The following ADGRL2 variants were observed in gnomAD, a reference collection of about 807,000 sequenced individuals.
The protein encoded by ADGRL2 is adhesion G protein-coupled receptor L2.
A neutral mutation model predicts 157.4 loss-of-function variants in ADGRL2; 44 were observed. The ratio of observed to expected loss-of-function variants is 0.28; its 90% CI spans 0.22 to 0.36. The LOEUF is 0.36. ADGRL2 is among the 10% of genes least tolerant of loss of function. The probability of loss-of-function intolerance (pLI) is 1.00; values close to 1 mark genes in which losing one functional copy is unlikely to be tolerated. For missense variants in ADGRL2, 1,510 were observed against 1,768.9 expected (o/e 0.85, Z 2.63); for synonymous variants, 585 against 624.7 (o/e 0.94, Z 0.95).
At chr1:81,363,988 T>C (rs1355445235) in intron 1 of ADGRL2, among the ~76,000 whole-genome samples, 1 of 152,218 alleles carries the variant, frequency 6.6e-6, no homozygotes, top group African/African-American at 2.4e-5. Flanking sequence ...AATGACTTTT[T>C]TGTGGGCATT....
rs188028028 is a variant in ADGRL2, at chr1:81,932,430, T to C, written c.288-4298T>C. Among the ~76,000 whole-genome samples the C allele has an allele frequency of 2.8e-3, 433 of 152,366 alleles. 11 individuals are homozygous for C. Among genetic ancestry groups the C allele is most frequent in the Admixed American group, 0.026 (395 of 15,306 alleles). On this transcript the variant is annotated intron_variant, in intron 3 of 23. Transcript: ENST00000686636. ...CATATTAACATTGTAAACTGTATTATGTACCTCTTACATAAGTTGTACTCA... is the reference window on the plus strand; with the variant it reads ...CATATTAACATTGTAAACTGTATTACGTACCTCTTACATAAGTTGTACTCA...
At chr1:81,321,250 T>G (rs1263636812) in intron 1 of ADGRL2, among the ~76,000 whole-genome samples, 3 of 152,222 alleles carry the variant, frequency 2.0e-5, no homozygotes, top group Non-Finnish European at 4.4e-5. Flanking sequence ...TTGGAGGCTG[T>G]TTTGGTCTTC....
At chr1:81,775,878 A>G (rs1027967378) in intron 2 of ADGRL2, among the ~76,000 whole-genome samples, 2 of 152,174 alleles carry the variant, frequency 1.3e-5, no homozygotes, top group African/African-American at 4.8e-5. Context: ...TCATTCAACA[A>G]GTATTATATT....
intron 2 of ADGRL2, among the ~76,000 whole-genome samples, chr1:81,868,871 C>G (rs1241150731): frequency 6.6e-6 from 1 of 152,028 alleles, no homozygotes; most frequent in African/African-American, 2.4e-5. Flanking sequence ...CTCAGCCACT[C>G]ACAGGTAGGA....
chr1:81,659,720 T>A (rs1176731825), intron 3 of ADGRL2, among the ~76,000 whole-genome samples: 1 of 152,222 alleles, frequency 6.6e-6, no homozygotes, highest in Non-Finnish European at 1.5e-5. Flanking sequence ...ACCATTACCA[T>A]CTTTATCACA....
intron 1 of ADGRL2, among the ~76,000 whole-genome samples, chr1:81,321,782 G>T (rs548612780): frequency 2.6e-5 from 4 of 151,304 alleles, no homozygotes; most frequent in Non-Finnish European, 5.9e-5. Flanking sequence ...GTGAAATATT[G>T]TGAGAATTAC....
At chr1:81,650,186 C>A (rs2082386792) in intron 3 of ADGRL2, among the ~76,000 whole-genome samples, 1 of 152,166 alleles carries the variant, frequency 6.6e-6, no homozygotes, top group Middle Eastern at 3.4e-3. Flanking sequence ...CACTCAGGCT[C>A]TCAACAAATT....
At chr1:81,775,951 C>G (rs985099825) in intron 2 of ADGRL2, among the ~76,000 whole-genome samples, 1 of 152,058 alleles carries the variant, frequency 6.6e-6, no homozygotes, top group Non-Finnish European at 1.5e-5. Context: ...AAGTGATATA[C>G]GAACTAACTA....
chr1:81,707,454 C>T (rs2083774539), intron 1 of ADGRL2, among the ~76,000 whole-genome samples: 1 of 152,158 alleles, frequency 6.6e-6, no homozygotes, highest in Admixed American at 6.5e-5. Context: ...ATAATCCTTT[C>T]ACGTAAAAGT....
chr1:81,920,977 T>C (rs78213719), intron 3 of ADGRL2, among the ~76,000 whole-genome samples: 1,568 of 152,246 alleles, frequency 0.01, 13 homozygotes, highest in Non-Finnish European at 0.015. Context: ...ATTTTGACCT[T>C]TGTGGCTCTA....
chr1:81,574,704 C>A (rs2080762860), intron 2 of ADGRL2, among the ~76,000 whole-genome samples: 1 of 152,238 alleles, frequency 6.6e-6, no homozygotes, highest in Non-Finnish European at 1.5e-5. Flanking sequence ...CAACTGGACT[C>A]ATTTCACTGC....
In ADGRL2 at chr1:81,337,405, G is replaced by C. The variant is rs140281342; in HGVS notation, c.-302+30896G>C. ...CCTGCTCCTGCTGGTGCCCCGAAGC[G>C]CTCATCCCAGACCCTGCACTCGCTC... On this transcript the variant is annotated intron_variant, in intron 1 of 24. Transcript: ENST00000370721. Among the ~76,000 whole-genome samples, 828 of 152,208 alleles carry C rather than the reference G, an allele frequency of 5.4e-3. 9 individuals are homozygous for C. Among genetic ancestry groups the C allele is most frequent in the African/African-American group, 0.019 (777 of 41,538 alleles).
intron 2 of ADGRL2, among the ~76,000 whole-genome samples, chr1:81,478,356 C>G (rs1161372245): frequency 6.6e-6 from 1 of 152,210 alleles, no homozygotes; most frequent in African/African-American, 2.4e-5. Context: ...CAATGAGACT[C>G]TGTTCATCCA....
chr1:81,934,998 A>G (rs2095289061), intron 3 of ADGRL2, among the ~76,000 whole-genome samples: 1 of 152,022 alleles, frequency 6.6e-6, no homozygotes, highest in Admixed American at 6.6e-5. Flanking sequence ...GTTGCTGCAA[A>G]AGTTTAAAAA....
intron 3 of ADGRL2, among the ~76,000 whole-genome samples, chr1:81,689,108 A>G (rs904928703): frequency 5.9e-5 from 9 of 152,144 alleles, no homozygotes; most frequent in Admixed American, 2.6e-4. Flanking sequence ...CTCAAATACT[A>G]TTTTAATGTA....
At chr1:81,322,967 C>G (rs553758019) in intron 1 of ADGRL2, among the ~76,000 whole-genome samples, 4 of 152,170 alleles carry the variant, frequency 2.6e-5, no homozygotes, top group African/African-American at 9.6e-5. Flanking sequence ...AAGCAATTTT[C>G]CTGCCTCAGC....
rs1054359228 is a variant in ADGRL2 at position 81,635,519 on chromosome 1, G to A, written c.-143+54539G>A. On this transcript the variant is annotated intron_variant, in intron 3 of 24. Transcript: ENST00000370721. ...GAAATTTGTTTCTCACAGTTCTGAAGGCTGGGAAGTCAAGGGTCAACGTGC... is the reference window on the plus strand; with the variant it reads ...GAAATTTGTTTCTCACAGTTCTGAAAGCTGGGAAGTCAAGGGTCAACGTGC... Among the ~76,000 whole-genome samples, 8 of 152,300 alleles carry A rather than the reference G, an allele frequency of 5.3e-5. No homozygotes were observed. In the South Asian group the frequency reaches 1.0e-3, roughly 20 times the overall value.
intron 1 of ADGRL2, among the ~76,000 whole-genome samples, chr1:81,412,913 A>G (rs1194622306): frequency 1.3e-5 from 2 of 152,076 alleles, no homozygotes; most frequent in South Asian, 4.1e-4. Flanking sequence ...TCATTTTTCT[A>G]CCTTATCTTT....
intron 3 of ADGRL2, among the ~76,000 whole-genome samples, chr1:81,644,534 A>G (rs1295479853): frequency 6.6e-6 from 1 of 152,202 alleles, no homozygotes; most frequent in Non-Finnish European, 1.5e-5. Flanking sequence ...TAAGAACACA[A>G]ACCCGATTTA....
Sources: allele counts gnomAD v4.1 joint callset (sites outside exome capture counted in the v4.1 genomes callset), GRCh38; gene constraint gnomAD v4.1.1; transcripts MANE v1.5; gene names NCBI Gene and HGNC (gene_info 2026-07-23, HGNC 2026-07-21).